PTPRN2: variants seen among roughly 807,000 people sequenced by gnomAD.
PTPRN2 encodes the protein receptor-type tyrosine-protein phosphatase N2.
In PTPRN2, 74 loss-of-function variants were observed where a neutral mutation model predicts 118.8. The ratio of observed to expected loss-of-function variants is 0.62; its 90% CI spans 0.52 to 0.76. The LOEUF is 0.76. Ranked by LOEUF, PTPRN2 falls within the 30% of genes least tolerant of loss-of-function variation. The pLI is 0.00. For missense variants in PTPRN2, 1,481 were observed against 1,394.4 expected (o/e 1.06, Z -0.99); for synonymous variants, 641 against 608.0 (o/e 1.05, Z -0.80).
At chr7:158,136,367 T>TG (rs756727615) in intron 8 of PTPRN2, among the ~76,000 whole-genome samples, 1 of 152,234 alleles carries the variant, frequency 6.6e-6, no homozygotes, top group Non-Finnish European at 1.5e-5. Flanking sequence ...TAATCCTGGC[T>TG]GGGAAATTCC....
chr7:158,413,447 GCCC>G (rs1249620503), intron 2 of PTPRN2, among the ~76,000 whole-genome samples: 1 of 152,184 alleles, frequency 6.6e-6, no homozygotes, highest in Non-Finnish European at 1.5e-5. Flanking sequence ...GCCTAACATG[GCCC>G]CCAATTGGCC....
At chr7:158,270,826 ACCTGGATGACCCCCTCACCTGGACCGC>A in intron 3 of PTPRN2, among the ~76,000 whole-genome samples, 6 of 4,738 alleles carry the variant, frequency 1.3e-3, no homozygotes, top group East Asian at 5.4e-3. Flanking sequence ...CGCCCCCTCC[ACCTGGATGACCCCCTCACCTGGACCGC>A]CCCCCCACCT....
intron 2 of PTPRN2, among the ~76,000 whole-genome samples, chr7:158,405,861 G>C (rs934069299): frequency 1.4e-5 from 2 of 148,008 alleles, no homozygotes; most frequent in Non-Finnish European, 3.0e-5. Flanking sequence ...TCCCGCAGTG[G>C]CTCATCCGTG....
At chr7:158,540,587 G>A (rs924996951) in intron 1 of PTPRN2, among the ~76,000 whole-genome samples, 4 of 152,256 alleles carry the variant, frequency 2.6e-5, no homozygotes, top group South Asian at 2.1e-4. Flanking sequence ...CCCCCAACAC[G>A]CGTACCCTCC....
intron 12 of PTPRN2, among the ~76,000 whole-genome samples, chr7:157,889,522 G>C (rs1339193241): frequency 6.6e-6 from 1 of 152,194 alleles, no homozygotes; most frequent in South Asian, 2.1e-4. Flanking sequence ...GGGCCTTCAT[G>C]TCCTCAGCTT....
Position 157,779,035 on chromosome 7 carries a change from G to A in PTPRN2, c.1789-96098C>T, listed in dbSNP as rs370239369. On this transcript the variant is annotated intron_variant, in intron 12 of 22. Transcript: ENST00000389418. The surrounding 1 kb of genome is among the most constrained non-coding windows in gnomAD (Gnocchi z 4.7). ...GAGCTCCGCTCACAGCCAGGTGGCC[G>A]TGTTCTCTGAGGGGTTGTGCCGGGG... 3.9e-5 allele frequency among the ~76,000 whole-genome samples: 6 copies of A among 152,254 alleles called. No individual in the cohort carries two copies. The highest frequency in any genetic ancestry group is 1.4e-4 in the African/African-American group (6 of 41,476).
intron 1 of PTPRN2, among the ~76,000 whole-genome samples, chr7:158,545,674 C>A (rs1454497316): frequency 2.6e-5 from 4 of 152,310 alleles, no homozygotes; most frequent in South Asian, 4.1e-4. Flanking sequence ...GTTGCTGTCA[C>A]CCCCAGCAAT....
rs1175026831 is a variant in PTPRN2 at position 157,627,117 on chromosome 7, G to A, written c.2197-5608C>T. Among the ~76,000 whole-genome samples, 1 of 152,180 alleles carries A rather than the reference G, an allele frequency of 6.6e-6. No individual in the cohort carries two copies. The highest frequency in any genetic ancestry group is 1.5e-5 in the Non-Finnish European group (1 of 68,020). ...CTCCACAGTCCAGGTCCCAGGTGGG[G>A]TGCTCCATCTCCCCTGGAGCCTTCT... On this transcript the variant is annotated intron_variant, in intron 14 of 22. Coordinates refer to ENST00000389418, the MANE Select transcript of PTPRN2 (RefSeq NM_002847.5). This position sits in a 1 kb window ranked among gnomAD's most constrained non-coding sequence, Gnocchi z 4.2.
At chr7:157,643,598 T>C (rs925218732) in intron 14 of PTPRN2, among the ~76,000 whole-genome samples, 1 of 152,136 alleles carries the variant, frequency 6.6e-6, no homozygotes, top group African/African-American at 2.4e-5. Context: ...CCCAGGGAAA[T>C]CCAGAACCAG....
chr7:158,071,036 A>C lies in PTPRN2; in HGVS notation c.1723+10262T>G, dbSNP rs1296167064. Among the ~76,000 whole-genome samples, 68 of 22,592 alleles carry C rather than the reference A, an allele frequency of 3.0e-3. 3 individuals carry two copies. The highest frequency in any genetic ancestry group is 4.9e-3 in the African/African-American group (15 of 3,048). The allele number at this position is 22,592 out of a possible 152,430, so 14.8% of individuals were successfully genotyped here. ...AGGTGCTCGTGGTGGAGGTGCTCTT[A>C]GTATGGAGGTGCTCATGGTGGTGGA... On this transcript the variant is annotated intron_variant, in intron 11 of 22. Coordinates refer to ENST00000389418, the MANE Select transcript of PTPRN2 (RefSeq NM_002847.5).
intron 19 of PTPRN2, chr7:157,574,354 C>G (rs1215248074): frequency 1.9e-6 from 1 of 532,886 alleles, no homozygotes; most frequent in Non-Finnish European, 3.9e-6. Flanking sequence ...CCAATGATCA[C>G]TTTTGTGACT....
chr7:158,013,760 CACTCAT>C (rs1806228638), intron 11 of PTPRN2, among the ~76,000 whole-genome samples: 12 of 62,466 alleles, frequency 1.9e-4, no homozygotes, highest in African/African-American at 3.0e-4. Flanking sequence ...TCCATCCATC[CACTCAT>C]CCACCTATCC....
intron 10 of PTPRN2, among the ~76,000 whole-genome samples, chr7:158,107,197 A>C (rs972385296): frequency 1.3e-5 from 2 of 151,826 alleles, no homozygotes; most frequent in Non-Finnish European, 2.9e-5. Context: ...CTTGCTGTCC[A>C]CTGTACATTA....
chr7:158,274,490 G>A lies in PTPRN2; in HGVS notation c.277+42329C>T, dbSNP rs371879892. On this transcript the variant is annotated intron_variant, in intron 3 of 22. Coordinates refer to ENST00000389418, the MANE Select transcript of PTPRN2 (RefSeq NM_002847.5). ...CACAGGAGGAGACACACGAGGAGCC[G>A]CAGGCACAGGGGGAGCCACAGGCAC... 4.7e-4 allele frequency among the ~76,000 whole-genome samples: 70 copies of A among 147,774 alleles called. No homozygotes were observed. In the East Asian group the frequency reaches 7.7e-3, roughly 16 times the overall value.
chr7:158,130,220 C>G (rs773108764), intron 9 of PTPRN2, among the ~76,000 whole-genome samples: 1 of 152,180 alleles, frequency 6.6e-6, no homozygotes, highest in African/African-American at 2.4e-5. Context: ...TCGCAGAGCC[C>G]GCAGGACAGA....
At chr7:157,919,298 A>G (rs1235481100) in intron 11 of PTPRN2, among the ~76,000 whole-genome samples, 1 of 152,232 alleles carries the variant, frequency 6.6e-6, no homozygotes, top group Non-Finnish European at 1.5e-5. Flanking sequence ...CTCTCTCATC[A>G]TTTGGGTATT....
intron 3 of PTPRN2, among the ~76,000 whole-genome samples, chr7:158,268,206 G>A (rs745672924): frequency 3.5e-4 from 53 of 152,132 alleles, no homozygotes; most frequent in Non-Finnish European, 6.3e-4. Flanking sequence ...TCAGAGCCGC[G>A]GCCGCACGCA....
chr7:158,207,840 TCAGA>T (rs1361407801), intron 3 of PTPRN2, among the ~76,000 whole-genome samples: 10 of 152,162 alleles, frequency 6.6e-5, no homozygotes, highest in Non-Finnish European at 1.5e-4. Context: ...ATGTTACCTT[TCAGA>T]CAAAGAATTC....
At chr7:157,575,565 G>C (rs1285774505) in intron 19 of PTPRN2, among the ~76,000 whole-genome samples, 1 of 152,094 alleles carries the variant, frequency 6.6e-6, no homozygotes, top group Non-Finnish European at 1.5e-5. Context: ...TAGACTAAAA[G>C]GCAAAATAAA....
Sources: allele counts gnomAD v4.1 joint callset (sites outside exome capture counted in the v4.1 genomes callset), GRCh38; gene constraint gnomAD v4.1.1; non-coding constraint Gnocchi (gnomAD v3.1); transcripts MANE v1.5; gene names NCBI Gene and HGNC (gene_info 2026-07-23, HGNC 2026-07-21).